Variants in TOP2A observed in about 807,000 individuals in gnomAD.
The protein encoded by TOP2A is DNA topoisomerase II alpha.
TOP2A carries 68 observed loss-of-function variants against 187.2 expected under a neutral mutation model. That is an observed-to-expected ratio of 0.36 (90% confidence interval 0.30 to 0.44). TOP2A has a LOEUF of 0.44. TOP2A is among the 20% of genes least tolerant of loss of function. TOP2A has a pLI of 1.00. For missense variants in TOP2A, 1,196 were observed against 1,808.7 expected (o/e 0.66, Z 6.14); for synonymous variants, 542 against 593.2 (o/e 0.91, Z 1.25).
At chr17:40,409,137 C>T (rs530918585) in intron 10 of TOP2A, 12 of 299,792 alleles carry the variant, frequency 4.0e-5, no homozygotes, top group African/African-American at 2.0e-4. Flanking sequence ...GAGGTTGCAG[C>T]GAGCCAAGAT....
intron 20 of TOP2A, among the ~76,000 whole-genome samples, chr17:40,402,001 T>A (rs1384913618): frequency 2.0e-5 from 3 of 152,192 alleles, no homozygotes; most frequent in Non-Finnish European, 2.9e-5. Context: ...ACTTATTTTT[T>A]AAAAAATAAT....
At position 40,413,439 on chromosome 17, in the gene TOP2A, A is replaced by ATC. The variant is rs1466083735; in HGVS notation, c.478+40_478+41insGA. The ATC allele has an allele frequency of 6.2e-6, 9 of 1,461,410 alleles. No homozygotes were observed. In the African/African-American group the frequency reaches 1.1e-4, roughly 19 times the overall value. The allele number at this position is 1,461,410 out of a possible 1,614,324, so 90.5% of individuals were successfully genotyped here. A position where few individuals can be genotyped will look rare whatever the true frequency, so the allele number is the denominator to read the frequency against. Reference sequence around the variant, plus strand: ...CACAGACAGTCATTTAAATATATATATTTTTAGCAACAAATATGTTATTTC... The same window carrying ATC: ...CACAGACAGTCATTTAAATATATATATCTTTTTAGCAACAAATATGTTATTTC... On this transcript the variant is annotated intron_variant, in intron 5 of 34. Transcript: ENST00000423485.
At chr17:40,404,526 G>C (rs750027671) in intron 17 of TOP2A, 35 bp from the exon 18 acceptor site, 12 of 1,245,524 alleles carry the variant, frequency 9.6e-6, no homozygotes, top group Non-Finnish European at 1.2e-5. Flanking sequence ...GAGTCTACCG[G>C]TCTAAACAAT....
At chr17:40,397,777 TA>T (rs372265386) in intron 27 of TOP2A, among the ~76,000 whole-genome samples, 19 of 151,262 alleles carry the variant, frequency 1.3e-4, no homozygotes, top group African/African-American at 4.4e-4. Flanking sequence ...TTCTAAATAG[TA>T]TTTTTTTTTT....
At position 40,391,522 on chromosome 17, in the gene TOP2A, C is replaced by T. The variant is rs2143619967; in HGVS notation, c.4251G>A (p.Lys1417=). 6.2e-7 allele frequency: 1 copy of T among 1,611,692 alleles called. No individual in the cohort carries two copies. Among genetic ancestry groups the T allele is most frequent in the Non-Finnish European group, 8.5e-7 (1 of 1,179,208 alleles). The change falls in exon 33 of 35, where the codon AAG becomes AAA. Residue 1417 remains lysine, a synonymous_variant. Transcript: ENST00000423485. The part of the protein sequence containing the change: ...NPVPKKNVTV[K]KTAAKSQSST... ...TAGGCTTACTTTTTGCTGCTGTCTT[C>T]TTCACTGTCACATTCTTTTTAGGAA...
intron 30 of TOP2A, 117 bp from the exon 31 acceptor site, chr17:40,392,458 T>G (rs1016897523): frequency 1.4e-6 from 2 of 1,472,948 alleles, no homozygotes; most frequent in Non-Finnish European, 1.8e-6. Context: ...GATGCTTCAG[T>G]GTTTCAAAGC....
intron 29 of TOP2A, among the ~76,000 whole-genome samples, chr17:40,395,188 C>T (rs1201898625): frequency 6.7e-6 from 1 of 148,998 alleles, no homozygotes; most frequent in Non-Finnish European, 1.5e-5. Context: ...GAAGCTGAGG[C>T]AGGAGAATCG....
At chr17:40,398,689 C>A (rs564619096) in intron 26 of TOP2A, 48 bp from the exon 27 acceptor site, 5 of 1,604,798 alleles carry the variant, frequency 3.1e-6, no homozygotes, top group Non-Finnish European at 4.2e-6. Flanking sequence ...ATACAAGCAG[C>A]ATTTTCATGC....
chr17:40,404,338 C>A (rs1167984353), intron 18 of TOP2A, 39 bp downstream of exon 18: 2 of 1,606,624 alleles, frequency 1.2e-6, no homozygotes, highest in African/African-American at 1.3e-5. Context: ...ATTTGATTTC[C>A]ATCTTACAAT....
At chr17:40,408,944 C>T (rs2143672880) in intron 10 of TOP2A, 1 of 467,514 alleles carries the variant, frequency 2.1e-6, no homozygotes, top group East Asian at 6.3e-5. Context: ...CCTATAATCC[C>T]AGCACTTTAG....
intron 24 of TOP2A, 194 bp from the exon 25 acceptor site, chr17:40,399,325 A>C: frequency 2.0e-6 from 1 of 490,132 alleles, no homozygotes. Context: ...GGGGCAGTCA[A>C]ATCATATATG....
Position 40,406,706 on chromosome 17 carries a change from T to G in TOP2A, c.1738-17A>C, listed in dbSNP as rs763808117. 2 of 1,602,388 alleles carry G rather than the reference T, an allele frequency of 1.2e-6. No individual in the cohort carries two copies. The highest frequency in any genetic ancestry group is 1.7e-6 in the Non-Finnish European group (2 of 1,170,738). On this transcript the variant is annotated splice_polypyrimidine_tract_variant and intron_variant, in intron 14 of 34. Coordinates refer to ENST00000423485, the MANE Select transcript of TOP2A (RefSeq NM_001067.4). ...TTTAGATACCTGTGATAAAAAACAATGACTGTGGCTTTGTACACTGTGGGG... is the reference window on the plus strand; with the variant it reads ...TTTAGATACCTGTGATAAAAAACAAGGACTGTGGCTTTGTACACTGTGGGG...
rs530236723 is a variant in TOP2A at position 40,400,880 on chromosome 17, A to G, written c.2634T>C (p.Arg878=). 7 of 1,613,896 alleles carry G rather than the reference A, an allele frequency of 4.3e-6. No individual in the cohort carries two copies. In the East Asian group the frequency reaches 1.3e-4, roughly 31 times the overall value. The part of the protein sequence containing the change: ...DVREIVNNIR[R]LMDGEEPLPM... Reference sequence around the variant, plus strand: ...GCAAAGGTTCTTCTCCATCCATCAAACGCCTGATGTTATTTACAATTTCAC... The same window carrying G: ...GCAAAGGTTCTTCTCCATCCATCAAGCGCCTGATGTTATTTACAATTTCAC... Residue 878 remains arginine, a synonymous_variant, in exon 21 of 35, where the codon CGT becomes CGC. Coordinates refer to ENST00000423485, the MANE Select transcript of TOP2A (RefSeq NM_001067.4).
At chr17:40,391,458 C>T (rs372506142) in intron 33 of TOP2A, 48 bp downstream of exon 33, 115 of 1,540,266 alleles carry the variant, frequency 7.5e-5, no homozygotes, top group Non-Finnish European at 1.0e-4. Context: ...CACGTGGAAA[C>T]CAGTTAGGTA....
Position 40,389,618 on chromosome 17 carries a change from A to C in TOP2A, c.4497T>G (p.His1499Gln), listed in dbSNP as rs1187494677. 6.2e-7 allele frequency: 1 copy of C among 1,609,808 alleles called. No individual in the cohort carries two copies. The highest frequency in any genetic ancestry group is 1.3e-5 in the African/African-American group (1 of 75,028). The change falls in exon 35 of 35, where the codon CAT becomes CAG. Residue 1499 changes from histidine to glutamine, a missense_variant. His to Gln is a conservative substitution (Grantham distance 24, BLOSUM62 0). Coordinates refer to ENST00000423485, the MANE Select transcript of TOP2A (RefSeq NM_001067.4). ...KKSKGESDDF[H>Q]MDFDSAVAPR... ...GAGCCACAGCTGAGTCAAAGTCCAT[A>C]TGGAAGTCATCACTCTCCCCCTTGG...
chr17:40,402,724 T>C (rs1322793514), intron 20 of TOP2A, among the ~76,000 whole-genome samples, 182 bp downstream of exon 20: 3 of 152,242 alleles, frequency 2.0e-5, no homozygotes. Flanking sequence ...CTTAGCATAA[T>C]TGACATGTTG....
chr17:40,411,322 T>C lies in TOP2A; in HGVS notation c.1065+32A>G, dbSNP rs765017033. The C allele has an allele frequency of 6.2e-7, 1 of 1,612,668 alleles. No individual in the cohort carries two copies. The highest frequency in any genetic ancestry group is 1.1e-5 in the South Asian group (1 of 90,790). ...TATAGCCTTTCTCTTCTTCCTTGAC[T>C]TTAGAAAAAGAAAACTGCCAAAAGC... is the stretch of plus-strand genomic sequence containing the variant. On this transcript the variant is annotated intron_variant, in intron 9 of 34. Transcript: ENST00000423485. The surrounding 1 kb of genome is among the most constrained non-coding windows in gnomAD (Gnocchi z 4.4).
At position 40,391,112 on chromosome 17, in the gene TOP2A, G is replaced by A. The variant is rs74624529; in HGVS notation, c.4267+394C>T. The A allele has an allele frequency of 3.8e-3, 628 of 163,910 alleles. 3 individuals carry two copies. The highest frequency in any genetic ancestry group is 0.014 in the African/African-American group (587 of 41,616). 10.2% of individuals were successfully genotyped at this position (163,910 alleles called of 1,614,324 possible). On this transcript the variant is annotated intron_variant, in intron 33 of 34. Transcript: ENST00000423485. ...TCTCTCACTCAGGCTGGAGTGCAGT[G>A]GCTTGATCATATAGCTCACTGCAGC...
chr17:40,411,213 A>C lies in TOP2A; in HGVS notation c.1099T>G (p.Leu367Val). 6.2e-7 allele frequency: 1 copy of C among 1,613,528 alleles called. No individual in the cohort carries two copies. Among genetic ancestry groups the C allele is most frequent in the Non-Finnish European group, 8.5e-7 (1 of 1,179,764 alleles). The change falls in exon 10 of 35, where the codon TTA becomes GTA. Residue 367 changes from leucine to valine, a missense_variant. Physicochemically the swap from Leu to Val is conservative, Grantham distance 32 (BLOSUM62 1). Transcript: ENST00000423485. The surrounding 1 kb of genome is among the most constrained non-coding windows in gnomAD (Gnocchi z 4.4). Reference sequence around the variant, plus strand: ...GAGTCAAAGGTTGGGTTTTCAATTAAGGCATTTACAAAAATCCACATGTGA... The same window carrying C: ...GAGTCAAAGGTTGGGTTTTCAATTACGGCATTTACAAAAATCCACATGTGA... ...KNHMWIFVNA[L>V]IENPTFDSQT...
Sources: gnomAD v4.1 joint callset for allele counts (sites outside exome capture counted in the v4.1 genomes callset) on GRCh38, gnomAD v4.1.1 for gene constraint, Gnocchi (gnomAD v3.1) non-coding constraint, MANE v1.5 for transcripts, NCBI Gene and HGNC (gene_info 2026-07-23, HGNC 2026-07-21) for gene names.